Variants in LRRIQ1 observed in about 807,000 individuals in gnomAD.
LRRIQ1 encodes the protein leucine-rich repeat- and IQ domain-containing protein 1.
In LRRIQ1, 210 loss-of-function variants were observed where a neutral mutation model predicts 211.9. That is an observed-to-expected ratio of 0.99 (90% CI 0.89 to 1.11). The LOEUF is 1.11. LRRIQ1 is among the 50% of genes most tolerant of loss of function. The pLI is 0.00. For synonymous variants in LRRIQ1, 699 were observed against 650.1 expected, an observed-to-expected ratio of 1.08 and a Z score of -1.14; for missense variants, 2,136 against 1,939.5, an observed-to-expected ratio of 1.10 and a Z score of -1.90.
intron 8 of LRRIQ1, among the ~76,000 whole-genome samples, chr12:85,062,829 G>A (rs904821509): frequency 6.6e-6 from 1 of 151,748 alleles, no homozygotes; most frequent in African/African-American, 2.4e-5. Flanking sequence ...CAATGAACAG[G>A]TGTTCCCTTT....
chr12:85,131,000 C>T (rs1377007184), intron 18 of LRRIQ1, among the ~76,000 whole-genome samples: 1 of 150,932 alleles, frequency 6.6e-6, no homozygotes, highest in Non-Finnish European at 1.5e-5. Flanking sequence ...ACTTGAGGTC[C>T]AGAGTTCGAG....
At chr12:85,162,732 T>C (rs1375510155) in intron 24 of LRRIQ1, 1 of 455,696 alleles carries the variant, frequency 2.2e-6, no homozygotes. Flanking sequence ...TACGATGTGA[T>C]GTTCTATGAT....
rs189663653 is a variant in LRRIQ1 at position 85,212,789 on chromosome 12, G to T, written c.4823-16728G>T. 2.1e-3 allele frequency among the ~76,000 whole-genome samples: 307 copies of T among 149,106 alleles called. 6 individuals are homozygous for T. Among genetic ancestry groups the T allele is most frequent in the Admixed American group, 0.012 (185 of 14,878 alleles). On this transcript the variant is annotated intron_variant, in intron 24 of 26. Transcript: ENST00000393217. ...CGAATATATATTTTATATATATATA[G>T]AGAGAGAGAGAAAGAGAGAGAGAAA...
intron 26 of LRRIQ1, among the ~76,000 whole-genome samples, chr12:85,234,025 G>T (rs1014136873): frequency 2.6e-5 from 4 of 151,986 alleles, no homozygotes; most frequent in Admixed American, 6.6e-5. Context: ...GAGCCCAAGA[G>T]TTCAAGACCA....
intron 18 of LRRIQ1, among the ~76,000 whole-genome samples, chr12:85,129,903 A>T (rs11116721): frequency 2.6e-5 from 4 of 152,070 alleles, no homozygotes; most frequent in Non-Finnish European, 5.9e-5. Context: ...ACCAGGCAAG[A>T]GATAACGTCA....
chr12:85,217,498 ATATATATATATGTGTGTGTGTGTGTG>A (rs1303936159), intron 24 of LRRIQ1, among the ~76,000 whole-genome samples: 12 of 80,134 alleles, frequency 1.5e-4, no homozygotes, highest in African/African-American at 9.3e-4. Context: ...ATATGTATAT[ATATATATATATGTGTGTGTGTGTGTG>A]TGTGTGTGTG....
chr12:85,195,250 A>G (rs1289731047), intron 24 of LRRIQ1, among the ~76,000 whole-genome samples: 5 of 151,946 alleles, frequency 3.3e-5, no homozygotes, highest in Non-Finnish European at 7.4e-5. Context: ...AGGTACAAGG[A>G]GGAACTGGTA....
chr12:85,154,229 A>G (rs1433129492), intron 23 of LRRIQ1, 135 bp downstream of exon 23: 2 of 398,588 alleles, frequency 5.0e-6, no homozygotes, highest in Admixed American at 9.2e-5. Flanking sequence ...GATACTCTGA[A>G]AAAAAATAAA....
At chr12:85,114,924 A>T (rs1278933133) in intron 15 of LRRIQ1, among the ~76,000 whole-genome samples, 1 of 152,192 alleles carries the variant, frequency 6.6e-6, no homozygotes, top group Non-Finnish European at 1.5e-5. Flanking sequence ...TAACCCCATG[A>T]TACCAACAAA....
chr12:85,216,214 C>T (rs1331100881), intron 24 of LRRIQ1, among the ~76,000 whole-genome samples: 1 of 152,122 alleles, frequency 6.6e-6, no homozygotes, highest in Non-Finnish European at 1.5e-5. Context: ...ATGTCCCCAT[C>T]GCTGTGTCCA....
chr12:85,250,915 ATTT>A (rs1565928907), intron 1 of LRRIQ1, among the ~76,000 whole-genome samples: 2 of 97,148 alleles, frequency 2.1e-5, no homozygotes, highest in East Asian at 2.4e-4. Context: ...TATATAATAT[ATTT>A]TATATATTAT....
chr12:85,044,560 T>G (rs1423990107), intron 3 of LRRIQ1, among the ~76,000 whole-genome samples, 158 bp from the exon 4 acceptor site: 1 of 152,008 alleles, frequency 6.6e-6, no homozygotes, highest in Non-Finnish European at 1.5e-5. Flanking sequence ...CCTCTATTGT[T>G]TATTCTTAAT....
intron 24 of LRRIQ1, among the ~76,000 whole-genome samples, chr12:85,171,000 C>G (rs1891391409): frequency 6.6e-6 from 1 of 151,862 alleles, no homozygotes; most frequent in African/African-American, 2.4e-5. Context: ...ATCTGGCACA[C>G]AGTGAAAAAT....
intron 15 of LRRIQ1, among the ~76,000 whole-genome samples, chr12:85,107,186 G>A (rs575182967): frequency 7.9e-5 from 12 of 151,934 alleles, no homozygotes; most frequent in African/African-American, 1.9e-4. Flanking sequence ...ATACTAACAC[G>A]ATTTCCCCCA....
intron 24 of LRRIQ1, among the ~76,000 whole-genome samples, chr12:85,178,505 A>G (rs1330276856): frequency 2.0e-5 from 3 of 151,984 alleles, no homozygotes; most frequent in Non-Finnish European, 4.4e-5. Flanking sequence ...GACAGGATTC[A>G]TGGTGCACAT....
At chr12:85,060,887 T>C (rs991803885) in intron 8 of LRRIQ1, among the ~76,000 whole-genome samples, 1 of 151,914 alleles carries the variant, frequency 6.6e-6, no homozygotes, top group Non-Finnish European at 1.5e-5. Context: ...TAGGGAATTT[T>C]ATCTACAATG....
chr12:85,180,989 T>C (rs1203709315), intron 24 of LRRIQ1, among the ~76,000 whole-genome samples: 1 of 151,890 alleles, frequency 6.6e-6, no homozygotes, highest in Non-Finnish European at 1.5e-5. Flanking sequence ...TGATCTATTC[T>C]ACTCTAAATT....
At chr12:85,212,952 AT>A (rs953064399) in intron 24 of LRRIQ1, among the ~76,000 whole-genome samples, 3 of 151,598 alleles carry the variant, frequency 2.0e-5, no homozygotes, top group South Asian at 2.1e-4. Context: ...TAAAAAAAAA[AT>A]AACACAGTAC....
At chr12:85,209,759 T>C (rs575271296) in intron 24 of LRRIQ1, among the ~76,000 whole-genome samples, 13 of 152,048 alleles carry the variant, frequency 8.5e-5, no homozygotes, top group Non-Finnish European at 1.9e-4. Flanking sequence ...GCAAAAAAAA[T>C]ATTATCTAGG....
Sources: allele counts gnomAD v4.1 joint callset (sites outside exome capture counted in the v4.1 genomes callset), GRCh38; gene constraint gnomAD v4.1.1; transcripts MANE v1.5; gene names NCBI Gene and HGNC (gene_info 2026-07-23, HGNC 2026-07-21).